DPYD: variants seen among roughly 807,000 people sequenced by gnomAD.
DPYD encodes dihydropyrimidine dehydrogenase [NADP(+)].
In DPYD, 109 loss-of-function variants were observed where a neutral mutation model predicts 116.2. The ratio of observed to expected loss-of-function variants is 0.94; its 90% CI spans 0.80 to 1.10. The LOEUF is 1.10. Ranked by LOEUF, DPYD falls within the 50% of genes least tolerant of loss-of-function variation. The pLI is 0.00. For synonymous variants in DPYD, 440 were observed against 432.0 expected, an observed-to-expected ratio of 1.02 and a Z score of -0.23; for missense variants, 1,302 against 1,254.5, an observed-to-expected ratio of 1.04 and a Z score of -0.57.
intron 8 of DPYD, among the ~76,000 whole-genome samples, chr1:97,676,715 T>C (rs1013301264): frequency 6.6e-6 from 1 of 152,180 alleles, no homozygotes; most frequent in Non-Finnish European, 1.5e-5. Flanking sequence ...CCGCCAGTTA[T>C]ATGGTAATAC....
chr1:97,291,318 C>A (rs1570442812), intron 18 of DPYD, among the ~76,000 whole-genome samples: 2 of 151,996 alleles, frequency 1.3e-5, no homozygotes, highest in Admixed American at 6.5e-5. Context: ...ACCATTTGAC[C>A]CAGCCATCCC....
chr1:97,908,412 C>T (rs1227782615), intron 1 of DPYD, among the ~76,000 whole-genome samples: 1 of 151,966 alleles, frequency 6.6e-6, no homozygotes, highest in Non-Finnish European at 1.5e-5. Flanking sequence ...TAACTCAGTG[C>T]TTCTGTCATC....
intron 16 of DPYD, among the ~76,000 whole-genome samples, chr1:97,325,284 C>G (rs1668654961): frequency 2.0e-5 from 3 of 151,996 alleles, no homozygotes; most frequent in Admixed American, 2.0e-4. Flanking sequence ...ATTTTTACAT[C>G]ATCTGGGCAA....
intron 20 of DPYD, among the ~76,000 whole-genome samples, chr1:97,137,181 C>T (rs1381214652): frequency 6.6e-6 from 1 of 152,214 alleles, no homozygotes; most frequent in Non-Finnish European, 1.5e-5. Flanking sequence ...GCTAAGAATA[C>T]AGTGTCTTCC....
chr1:97,720,608 A>T (rs1662868579), intron 5 of DPYD: 38 of 1,172,840 alleles, frequency 3.2e-5, no homozygotes, highest in Non-Finnish European at 4.0e-5. Context: ...CTAAGAGCAA[A>T]GTGAGACTTA....
intron 20 of DPYD, among the ~76,000 whole-genome samples, chr1:97,173,331 T>C (rs1656952647): frequency 6.7e-6 from 1 of 148,758 alleles, no homozygotes; most frequent in Non-Finnish European, 1.5e-5. Context: ...TATACACATA[T>C]ATGTGTATAT....
At chr1:97,905,645 T>G (rs6604094) in intron 1 of DPYD, among the ~76,000 whole-genome samples, 11,770 of 152,030 alleles carry the variant, frequency 0.077, 648 homozygotes, top group African/African-American at 0.15. Flanking sequence ...ATCAGCTCCC[T>G]CCACTGCAAC....
At chr1:97,738,250 A>G (rs191004114) in intron 4 of DPYD, among the ~76,000 whole-genome samples, 151 of 152,286 alleles carry the variant, frequency 9.9e-4, no homozygotes, top group Admixed American at 2.0e-3. Context: ...TCACTGTTTG[A>G]TGAATCTGAA....
intron 14 of DPYD, 99 bp downstream of exon 14, chr1:97,449,960 T>A (rs981987198): frequency 6.8e-7 from 1 of 1,460,348 alleles, no homozygotes; most frequent in African/African-American, 1.4e-5. Context: ...TTTAATAAAA[T>A]ATACACATTA....
intron 8 of DPYD, among the ~76,000 whole-genome samples, chr1:97,627,082 A>T (rs2100784258): frequency 6.6e-6 from 1 of 152,068 alleles, no homozygotes; most frequent in Admixed American, 6.6e-5. Context: ...TCCTTTTATG[A>T]GGGCACTAAT....
At chr1:97,323,228 GTA>G (rs1467783374) in intron 16 of DPYD, among the ~76,000 whole-genome samples, 1 of 139,202 alleles carries the variant, frequency 7.2e-6, no homozygotes, top group Non-Finnish European at 1.6e-5. Context: ...ACATACATAT[GTA>G]TATATGTATA....
At chr1:97,239,656 T>C (rs1244641002) in intron 18 of DPYD, among the ~76,000 whole-genome samples, 1 of 152,114 alleles carries the variant, frequency 6.6e-6, no homozygotes, top group East Asian at 1.9e-4. Flanking sequence ...ATTTTATAAA[T>C]ACTATTAATA....
chr1:97,730,678 T>C (rs1663542000), intron 4 of DPYD, among the ~76,000 whole-genome samples: 1 of 152,058 alleles, frequency 6.6e-6, no homozygotes, highest in Admixed American at 6.6e-5. Flanking sequence ...ATAAATGCAA[T>C]AAATTTTATA....
At chr1:97,593,428 C>A (rs760021239) in intron 9 of DPYD, 41 bp from the exon 10 acceptor site, 26 of 1,608,912 alleles carry the variant, frequency 1.6e-5, no homozygotes, top group Non-Finnish European at 1.9e-5. Context: ...AGTAGAGAAA[C>A]CATTTCTGCA....
intron 15 of DPYD, among the ~76,000 whole-genome samples, chr1:97,379,019 T>C (rs1423740914): frequency 2.6e-5 from 4 of 152,218 alleles, no homozygotes; most frequent in African/African-American, 4.8e-5. Context: ...AAGTGGCCCA[T>C]GCAAGTAAAT....
chr1:97,287,127 T>C (rs1665745268), intron 18 of DPYD, among the ~76,000 whole-genome samples: 1 of 152,172 alleles, frequency 6.6e-6, no homozygotes, highest in Non-Finnish European at 1.5e-5. Context: ...TTTCTGCTTG[T>C]TAGTTTTCCT....
chr1:97,357,203 A>C (rs1451575535), intron 16 of DPYD, among the ~76,000 whole-genome samples: 1 of 152,120 alleles, frequency 6.6e-6, no homozygotes, highest in Non-Finnish European at 1.5e-5. Flanking sequence ...ATCATGTTTT[A>C]CAGTTTTTAG....
At chr1:97,529,186 T>C (rs1649370560) in intron 12 of DPYD, among the ~76,000 whole-genome samples, 1 of 152,202 alleles carries the variant, frequency 6.6e-6, no homozygotes, top group African/African-American at 2.4e-5. Flanking sequence ...CCTGAGGTAG[T>C]ATCACCAATG....
chr1:97,264,981 A>G (rs926191423), intron 18 of DPYD, among the ~76,000 whole-genome samples: 8 of 142,588 alleles, frequency 5.6e-5, no homozygotes, highest in Non-Finnish European at 9.5e-5. Flanking sequence ...TTTCAGTTAT[A>G]TTTTGCCTTG....
Sources: allele counts gnomAD v4.1 joint callset (sites outside exome capture counted in the v4.1 genomes callset), GRCh38; gene constraint gnomAD v4.1.1; transcripts MANE v1.5; gene names NCBI Gene and HGNC (gene_info 2026-07-23, HGNC 2026-07-21).